WNK1: variants seen among roughly 807,000 people sequenced by gnomAD.
WNK1 encodes the protein serine/threonine-protein kinase WNK1.
WNK1 carries 38 observed loss-of-function variants against 222.8 expected under a neutral mutation model. That is an observed-to-expected ratio of 0.17 (90% CI 0.13 to 0.22). WNK1 has a LOEUF of 0.22. WNK1 is among the 10% of genes least tolerant of loss of function. WNK1 has a pLI of 1.00. For synonymous variants in WNK1, 1,090 were observed against 1,092.9 expected (o/e 1.00, Z 0.05); for missense variants, 2,348 against 2,918.4 (o/e 0.80, Z 4.50).
chr12:811,216 A>G (rs150511739), intron 1 of WNK1, among the ~76,000 whole-genome samples: 1 of 152,272 alleles, frequency 6.6e-6, no homozygotes, highest in African/African-American at 2.4e-5. Flanking sequence ...CATTGTATTC[A>G]TGATAATTTG....
chr12:852,734 A>G (rs901802208), intron 4 of WNK1, among the ~76,000 whole-genome samples: 2 of 152,202 alleles, frequency 1.3e-5, no homozygotes, highest in African/African-American at 4.8e-5. Flanking sequence ...ATCAGTTATA[A>G]AAATTACATT....
At position 818,634 on chromosome 12, in the gene WNK1, C is replaced by G. The variant is rs79466170; in HGVS notation, c.932+4820C>G. ...GCCCGTGGAACAATTTCCCATTTCT[C>G]CCAACCCTCAGCTCCTGACAACTAC... is the stretch of plus-strand genomic sequence containing the variant. On this transcript the variant is annotated intron_variant, in intron 2 of 27. Transcript: ENST00000315939. 3.2e-4 allele frequency among the ~76,000 whole-genome samples: 48 copies of G among 152,324 alleles called. No homozygotes were observed. The East Asian group carries it at 9.2e-3, about 29-fold the overall frequency.
intron 1 of WNK1, among the ~76,000 whole-genome samples, chr12:775,072 A>G (rs1942949859): frequency 6.6e-6 from 1 of 151,890 alleles, no homozygotes; most frequent in Non-Finnish European, 1.5e-5. Context: ...CTGGTTTTTT[A>G]TCTTCTTGAT....
chr12:888,830 A>G (rs1953925073), intron 20 of WNK1, among the ~76,000 whole-genome samples: 3 of 152,232 alleles, frequency 2.0e-5, no homozygotes, highest in Non-Finnish European at 4.4e-5. Flanking sequence ...TATATTTTAA[A>G]GGTCGCACAA....
chr12:845,365 A>G (rs1486014744), intron 4 of WNK1, among the ~76,000 whole-genome samples: 1 of 152,154 alleles, frequency 6.6e-6, no homozygotes, highest in South Asian at 2.1e-4. Flanking sequence ...AAACACACCC[A>G]CAGACCCCAG....
At chr12:759,033 T>TA (rs1283230395) in intron 1 of WNK1, among the ~76,000 whole-genome samples, 1 of 146,704 alleles carries the variant, frequency 6.8e-6, no homozygotes, top group Non-Finnish European at 1.5e-5. Flanking sequence ...TATATGTATA[T>TA]AAATATAAAT....
chr12:796,328 T>C (rs955104015), intron 1 of WNK1, among the ~76,000 whole-genome samples: 3 of 152,206 alleles, frequency 2.0e-5, no homozygotes, highest in Admixed American at 1.3e-4. Context: ...TCTGTTGTGC[T>C]ACTTGTCATG....
At chr12:846,522 G>A (rs542784803) in intron 4 of WNK1, among the ~76,000 whole-genome samples, 1 of 152,280 alleles carries the variant, frequency 6.6e-6, no homozygotes, top group South Asian at 2.1e-4. Flanking sequence ...GATTTGGTAG[G>A]GAGTTCAAAG....
Position 897,649 on chromosome 12 carries a change from G to C in WNK1, c.6416G>C (p.Ser2139Thr). 1 of 1,614,228 alleles carries C rather than the reference G, an allele frequency of 6.2e-7. No individual in the cohort carries two copies. Among genetic ancestry groups the C allele is most frequent in the South Asian group, 1.1e-5 (1 of 91,086 alleles). ...KSKGSKSSRS[S>T]SLGNKSPQLS... Reference sequence around the variant, plus strand: ...AAAGGCAGCAAATCTAGTCGAAGCAGTTCCTTGGGGAATAAAAGCCCCCAG... The same window carrying C: ...AAAGGCAGCAAATCTAGTCGAAGCACTTCCTTGGGGAATAAAAGCCCCCAG... The change falls in exon 25 of 28, where the codon AGT becomes ACT. Residue 2139 changes from serine (S) to threonine (T), a missense_variant. Around this residue, in one of 13 missense-constraint regions of WNK1, gnomAD observed 1,144 missense variants for 1,273.6 expected, o/e 0.90. Coordinates refer to ENST00000315939, the MANE Select transcript of WNK1 (RefSeq NM_018979.4).
intron 1 of WNK1, among the ~76,000 whole-genome samples, chr12:792,035 C>G (rs959691833): frequency 2.6e-5 from 4 of 152,106 alleles, no homozygotes; most frequent in African/African-American, 7.2e-5. Flanking sequence ...GCCTTTATTC[C>G]CCATGTAGAC....
intron 9 of WNK1, among the ~76,000 whole-genome samples, chr12:872,787 A>G (rs957441122): frequency 6.6e-6 from 1 of 152,216 alleles, no homozygotes; most frequent in Non-Finnish European, 1.5e-5. Context: ...TTAATTACAA[A>G]TGGCCCTTTT....
chr12:855,040 G>T (rs1339339608), intron 4 of WNK1, among the ~76,000 whole-genome samples: 2 of 152,170 alleles, frequency 1.3e-5, no homozygotes, highest in African/African-American at 4.8e-5. Flanking sequence ...GGCCAACTGT[G>T]CTCAGTTTTT....
intron 4 of WNK1, among the ~76,000 whole-genome samples, chr12:853,643 G>A (rs2154057419): frequency 6.6e-6 from 1 of 152,328 alleles, no homozygotes; most frequent in South Asian, 2.1e-4. Context: ...ATGTGCCTAT[G>A]CTAGATTAAA....
chr12:756,493 C>T (rs985670179), intron 1 of WNK1, among the ~76,000 whole-genome samples: 2 of 152,142 alleles, frequency 1.3e-5, no homozygotes, highest in Non-Finnish European at 2.9e-5. Flanking sequence ...ATTTTTGAGT[C>T]ATTTCAGGAT....
chr12:856,430 G>A (rs953459309), intron 4 of WNK1, among the ~76,000 whole-genome samples: 2 of 150,932 alleles, frequency 1.3e-5, no homozygotes, highest in Non-Finnish European at 2.9e-5. Flanking sequence ...CTCCATACTG[G>A]GCAACAGAGC....
In WNK1 at chr12:886,043, C is replaced by A. The variant is rs1271032330; in HGVS notation, c.5239C>A (p.Pro1747Thr). ...CAGCACTACTACATCAGGAGTGAAACCTGGAACTGCTCCCTCCAAGCCACC... is the reference window on the plus strand; with the variant it reads ...CAGCACTACTACATCAGGAGTGAAAACTGGAACTGCTCCCTCCAAGCCACC... ...PVSTTTSGVK[P>T]GTAPSKPPLT... Residue 1747 changes from proline (P) to threonine (T), a missense_variant, in exon 19 of 28, where the codon CCT becomes ACT. Physicochemically the swap from Pro to Thr is conservative, Grantham distance 38. Transcript: ENST00000315939. 27 of 1,603,352 alleles carry A rather than the reference C, an allele frequency of 1.7e-5. No individual in the cohort carries two copies. Among genetic ancestry groups the A allele is most frequent in the Non-Finnish European group, 2.3e-5 (27 of 1,176,918 alleles).
At chr12:857,027 C>T in intron 4 of WNK1, 134 bp from the exon 5 acceptor site, 2 of 849,546 alleles carry the variant, frequency 2.4e-6, no homozygotes, top group Non-Finnish European at 3.9e-6. Flanking sequence ...ACTGCATGGA[C>T]CAACTCCTGC....
At chr12:862,375 A>G in intron 8 of WNK1, 105 bp downstream of exon 8, 1 of 1,238,696 alleles carries the variant, frequency 8.1e-7, no homozygotes, top group Non-Finnish European at 1.2e-6. Flanking sequence ...AGTCTGAAGT[A>G]GAAAATATAA....
chr12:900,420 A>G, intron 25 of WNK1, 56 bp from the exon 26 acceptor site: 1 of 1,589,480 alleles, frequency 6.3e-7, no homozygotes, highest in Non-Finnish European at 8.6e-7. Context: ...ACAGTGCCTG[A>G]TGAGTGCATG....
Sources: gnomAD v4.1 joint callset for allele counts (sites outside exome capture counted in the v4.1 genomes callset) on GRCh38, gnomAD v4.1.1 for gene constraint, gnomAD v4.1.1 regional missense constraint, MANE v1.5 for transcripts, NCBI Gene and HGNC (gene_info 2026-07-23, HGNC 2026-07-21) for gene names.